The following DMD variants were observed in gnomAD, a reference collection of about 807,000 sequenced individuals.
DMD encodes dystrophin.
DMD carries 63 observed loss-of-function variants against 330.1 expected under a neutral mutation model. The ratio of observed to expected loss-of-function variants is 0.19; its 90% CI spans 0.16 to 0.24. DMD has a LOEUF of 0.24. Ranked by LOEUF, DMD falls within the 10% of genes least tolerant of loss-of-function variation. The pLI, the probability that DMD is intolerant of heterozygous loss-of-function variation, is 1.00. For synonymous variants in DMD, 1,223 were observed against 959.8 expected, an observed-to-expected ratio of 1.27 and a Z score of -5.07; for missense variants, 3,344 against 2,684.1, an observed-to-expected ratio of 1.25 and a Z score of -5.43.
intron 2 of DMD, among the ~76,000 whole-genome samples, chrX:32,907,968 G>T (rs1216484763): frequency 9.0e-6 from 1 of 111,163 alleles, no homozygotes; most frequent in Non-Finnish European, 1.9e-5. Flanking sequence ...ATCTACACAT[G>T]ACACATCTCT....
intron 64 of DMD, among the ~76,000 whole-genome samples, chrX:31,222,434 G>GA (rs1335517452): frequency 1.7e-5 from 1 of 57,774 alleles, no homozygotes; most frequent in Non-Finnish European, 3.5e-5. Context: ...AAAAGAAAAA[G>GA]AAACTGTGCC....
intron 47 of DMD, among the ~76,000 whole-genome samples, chrX:31,893,291 T>G (rs12014135): frequency 0.42 from 45,988 of 110,169 alleles, 7,683 homozygotes; most frequent in African/African-American, 0.6. Flanking sequence ...CCTAGACTCA[T>G]TGAAAAGAAG....
intron 17 of DMD, among the ~76,000 whole-genome samples, chrX:32,540,130 A>G (rs1326725176): frequency 8.9e-6 from 1 of 111,757 alleles, no homozygotes; most frequent in Non-Finnish European, 1.9e-5. Flanking sequence ...ATGATTAGGA[A>G]GTAATCTCCT....
chrX:33,206,161 C>T (rs1432989574), intron 1 of DMD, among the ~76,000 whole-genome samples: 2 of 111,974 alleles, frequency 1.8e-5, no homozygotes, highest in African/African-American at 6.5e-5. Context: ...TCCTCAGATT[C>T]TTTTATTCAA....
In DMD at chrX:31,341,888, C is replaced by CGT. The variant is rs1446435036; in HGVS notation, c.9163+6667_9163+6668insAC. Among the ~76,000 whole-genome samples, 38 of 73,226 alleles carry CGT rather than the reference C, an allele frequency of 5.2e-4. 1 individual carries two copies. The highest frequency in any genetic ancestry group is 1.6e-3 in the African/African-American group (29 of 17,906). The allele number at this position is 73,226 out of a possible 115,157, so 63.6% of individuals were successfully genotyped here. A position where few individuals can be genotyped will look rare whatever the true frequency, so the allele number is the denominator to read the frequency against. ...TCTGGCGTGCGCGCGTGCGTGCGCG[C>CGT]GCGCACACACACACACACACACACA... On this transcript the variant is annotated intron_variant, in intron 61 of 78. Coordinates refer to ENST00000357033, the MANE Select transcript of DMD (RefSeq NM_004006.3).
chrX:32,359,827 G>A (rs1845072280), intron 37 of DMD, among the ~76,000 whole-genome samples: 1 of 109,845 alleles, frequency 9.1e-6, no homozygotes. Flanking sequence ...CCCCCATCTA[G>A]TAACTCTATT....
At chrX:31,718,709 T>G (rs2079544183) in intron 52 of DMD, among the ~76,000 whole-genome samples, 1 of 111,563 alleles carries the variant, frequency 9.0e-6, no homozygotes, top group East Asian at 2.8e-4. Context: ...CTTGTACTTC[T>G]CAACCTCCAG....
chrX:32,286,298 T>A (rs1042646114), intron 43 of DMD, among the ~76,000 whole-genome samples: 3 of 111,959 alleles, frequency 2.7e-5, no homozygotes, highest in Non-Finnish European at 5.6e-5. Context: ...AATGATTTAT[T>A]GATATTAAAT....
intron 1 of DMD, among the ~76,000 whole-genome samples, chrX:33,314,711 C>G (rs775431239): frequency 1.8e-5 from 2 of 108,445 alleles, no homozygotes; most frequent in Admixed American, 2.0e-4. Context: ...TTCATGGCCC[C>G]TTTCCTCCAT....
intron 43 of DMD, among the ~76,000 whole-genome samples, chrX:32,249,216 A>G (rs1179401874): frequency 8.9e-6 from 1 of 112,012 alleles, no homozygotes; most frequent in African/African-American, 3.2e-5. Flanking sequence ...AGTAAAACAT[A>G]TGTTTTGTTT....
At chrX:33,035,151 T>A (rs1230263022) in intron 1 of DMD, among the ~76,000 whole-genome samples, 1 of 112,198 alleles carries the variant, frequency 8.9e-6, no homozygotes, top group African/African-American at 3.2e-5. Flanking sequence ...TTTACTTTTT[T>A]CTGGAACAGT....
rs1040985076 is a variant in DMD, at chrX:31,310,316, T to C, written c.9224+13282A>G. Among the ~76,000 whole-genome samples, 3 of 109,494 alleles carry C rather than the reference T, an allele frequency of 2.7e-5. No individual in the cohort carries two copies. In the Admixed American group the frequency reaches 3.0e-4, roughly 11 times the overall value. ...ACTTTTAATTGGATGCATAAAGATA[T>C]TTCCACCTTGAACTTTTGCTGTGCC... On this transcript the variant is annotated intron_variant, in intron 62 of 78. Transcript: ENST00000357033.
intron 47 of DMD, among the ~76,000 whole-genome samples, chrX:31,891,238 T>A (rs1304409497): frequency 9.0e-6 from 1 of 111,331 alleles, no homozygotes; most frequent in Non-Finnish European, 1.9e-5. Context: ...ATGAGGAAAG[T>A]GAATACAATT....
intron 23 of DMD, among the ~76,000 whole-genome samples, chrX:32,468,078 AT>A (rs1481777798): frequency 1.8e-5 from 2 of 110,408 alleles, no homozygotes; most frequent in Non-Finnish European, 3.8e-5. Context: ...AATATAGGAA[AT>A]AATCATATAC....
At chrX:31,209,742 A>C (rs1374256278) in intron 64 of DMD, 43 bp from the exon 65 acceptor site, 2 of 1,151,815 alleles carry the variant, frequency 1.7e-6, no homozygotes, top group African/African-American at 3.6e-5. Context: ...AAAGAGTAAA[A>C]CCTTCCTTTC....
intron 28 of DMD, among the ~76,000 whole-genome samples, chrX:32,438,715 G>A (rs930504157): frequency 9.0e-6 from 1 of 111,626 alleles, no homozygotes; most frequent in Admixed American, 9.5e-5. Flanking sequence ...GATAGCTAGT[G>A]GTGTCCACGT....
chrX:33,097,170 T>A (rs2095177833), intron 1 of DMD, among the ~76,000 whole-genome samples: 1 of 111,098 alleles, frequency 9.0e-6, no homozygotes, highest in East Asian at 2.8e-4. Flanking sequence ...CTTAGACTTT[T>A]ATCACCTCAG....
Position 31,574,935 on chromosome X carries a change from G to A in DMD, c.8217+52738C>T, listed in dbSNP as rs942651223. Among the ~76,000 whole-genome samples, 5 of 111,383 alleles carry A rather than the reference G, an allele frequency of 4.5e-5. No homozygotes were observed. The Admixed American group carries it at 4.8e-4, about 11-fold the overall frequency. ...CAAATGACCTGTGTAATATTTCATG[G>A]CTCTAATGCAATCACAAAATATATA... On this transcript the variant is annotated intron_variant, in intron 55 of 78. Transcript: ENST00000357033.
intron 43 of DMD, among the ~76,000 whole-genome samples, chrX:32,232,968 T>C (rs1377238051): frequency 8.9e-6 from 1 of 112,348 alleles, no homozygotes; most frequent in South Asian, 3.7e-4. Context: ...CAAAGCTCAC[T>C]AGAAATGCTT....
Sources: gnomAD v4.1 joint callset for allele counts (sites outside exome capture counted in the v4.1 genomes callset) on GRCh38, gnomAD v4.1.1 for gene constraint, MANE v1.5 for transcripts, NCBI Gene and HGNC (gene_info 2026-07-23, HGNC 2026-07-21) for gene names.